LRBA: variants seen among roughly 807,000 people sequenced by gnomAD.
The protein encoded by LRBA is lipopolysaccharide-responsive and beige-like anchor protein.
A neutral mutation model predicts 330.0 loss-of-function variants in LRBA; 176 were observed. That is an observed-to-expected ratio of 0.53 (90% CI 0.47 to 0.60). The LOEUF (loss-of-function observed/expected upper bound fraction) is 0.60. Ranked by LOEUF, LRBA falls within the 20% of genes least tolerant of loss-of-function variation. The probability of loss-of-function intolerance (pLI) is 0.00; values close to 1 mark genes in which losing one functional copy is unlikely to be tolerated. For synonymous variants in LRBA, 1,230 were observed against 1,193.0 expected, an observed-to-expected ratio of 1.03 and a Z score of -0.64; for missense variants, 3,259 against 3,444.8, an observed-to-expected ratio of 0.95 and a Z score of 1.35.
intron 36 of LRBA, among the ~76,000 whole-genome samples, chr4:150,705,569 T>A (rs188480216): frequency 3.3e-5 from 5 of 152,054 alleles, no homozygotes; most frequent in Non-Finnish European, 5.9e-5. Context: ...CAACCCAATT[T>A]AAGAATAGAA....
At chr4:150,485,851 G>T (rs1255081828) in intron 42 of LRBA, among the ~76,000 whole-genome samples, 1 of 151,866 alleles carries the variant, frequency 6.6e-6, no homozygotes, top group African/African-American at 2.4e-5. Flanking sequence ...TGTTTGCATG[G>T]TATACCTTTT....
At chr4:150,654,334 C>A (rs937562500) in intron 37 of LRBA, among the ~76,000 whole-genome samples, 2 of 152,026 alleles carry the variant, frequency 1.3e-5, no homozygotes, top group Non-Finnish European at 2.9e-5. Flanking sequence ...TTACAAGTGC[C>A]TGCCACCATG....
intron 50 of LRBA, among the ~76,000 whole-genome samples, chr4:150,320,159 T>C (rs61682098): frequency 6.6e-6 from 1 of 152,124 alleles, no homozygotes; most frequent in Non-Finnish European, 1.5e-5. Flanking sequence ...GGGGTGGTCA[T>C]AAAATCTGAG....
At chr4:150,705,183 G>T (rs540775889) in intron 36 of LRBA, among the ~76,000 whole-genome samples, 1 of 152,080 alleles carries the variant, frequency 6.6e-6, no homozygotes, top group Non-Finnish European at 1.5e-5. Flanking sequence ...GCCGGTAACC[G>T]TCTAGAATGA....
intron 40 of LRBA, among the ~76,000 whole-genome samples, chr4:150,503,331 G>T (rs1423820367): frequency 6.6e-6 from 1 of 152,172 alleles, no homozygotes; most frequent in African/African-American, 2.4e-5. Context: ...ACCTCACACG[G>T]CCGGGTACTC....
At chr4:150,308,809 T>A (rs1212580023) in intron 52 of LRBA, among the ~76,000 whole-genome samples, 1 of 152,198 alleles carries the variant, frequency 6.6e-6, no homozygotes, top group African/African-American at 2.4e-5. Flanking sequence ...AGTTGTACAA[T>A]GTGTTTGTGT....
intron 29 of LRBA, among the ~76,000 whole-genome samples, chr4:150,831,204 T>C (rs1346322134): frequency 6.6e-6 from 1 of 151,716 alleles, no homozygotes; most frequent in Admixed American, 6.6e-5. Context: ...TACTTTCTTT[T>C]TTTTTTTTTT....
At chr4:150,510,805 A>G (rs1167777008) in intron 40 of LRBA, among the ~76,000 whole-genome samples, 2 of 152,082 alleles carry the variant, frequency 1.3e-5, no homozygotes, top group African/African-American at 2.4e-5. Context: ...TAGCTCCACC[A>G]TATGCCCTCT....
chr4:150,457,040 G>T (rs1443245591), intron 44 of LRBA, among the ~76,000 whole-genome samples: 2 of 151,844 alleles, frequency 1.3e-5, no homozygotes, highest in Non-Finnish European at 2.9e-5. Context: ...CAGTTCAACG[G>T]GATGTGTATC....
chr4:151,014,542 G>A lies in LRBA; in HGVS notation c.101C>T (p.Ser34Phe). 6.2e-7 allele frequency: 1 copy of A among 1,614,014 alleles called. No individual in the cohort carries two copies. Among genetic ancestry groups the A allele is most frequent in the Non-Finnish European group, 8.5e-7 (1 of 1,179,928 alleles). The change falls in exon 2 of 57, where the codon TCT becomes TTT. Residue 34 changes from serine to phenylalanine, a missense_variant. Coordinates refer to ENST00000651943, the MANE Select transcript of LRBA (RefSeq NM_001364905.1). ...CCTGATGGGGAGCCCTGGTTTCAGA[G>A]ACAATGCACCCCCTTCAGTAGGGGT... ...EETPTEGGALSLKPGLPIRGI... is the reference protein window; with the variant it reads ...EETPTEGGALFLKPGLPIRGI...
chr4:150,900,369 A>G, intron 13 of LRBA, 152 bp from the exon 14 acceptor site: 2 of 496,336 alleles, frequency 4.0e-6, no homozygotes, highest in South Asian at 9.1e-5. Flanking sequence ...ACACATACTC[A>G]CTGACACACA....
chr4:150,675,032 C>T (rs1782411100), intron 37 of LRBA, among the ~76,000 whole-genome samples: 1 of 151,700 alleles, frequency 6.6e-6, no homozygotes, highest in Non-Finnish European at 1.5e-5. Flanking sequence ...GCCTGGGCAA[C>T]ATAGTGAGAC....
At chr4:150,415,955 A>G (rs1040392379) in intron 46 of LRBA, among the ~76,000 whole-genome samples, 6 of 152,224 alleles carry the variant, frequency 3.9e-5, no homozygotes, top group African/African-American at 1.4e-4. Context: ...TATGAGGTAT[A>G]TTGAATTTTT....
At chr4:150,661,107 A>G (rs1343693816) in intron 37 of LRBA, among the ~76,000 whole-genome samples, 1 of 149,894 alleles carries the variant, frequency 6.7e-6, no homozygotes, top group Non-Finnish European at 1.5e-5. Flanking sequence ...AAAAGTTTCC[A>G]AATGAGGGTT....
At position 150,917,159 on chromosome 4, in the gene LRBA, A is replaced by AT. The variant is rs1481828951; in HGVS notation, c.646-422_646-421insA. On this transcript the variant is annotated intron_variant, in intron 5 of 56. Transcript: ENST00000651943. Reference sequence around the variant, plus strand: ...AAGAGCAAGACTCCATCTCAAAAAAAAAAATATATATATATCTGAAAGAAG... The same window carrying AT: ...AAGAGCAAGACTCCATCTCAAAAAAATAAAATATATATATATCTGAAAGAAG... Among the ~76,000 whole-genome samples, 25 of 147,478 alleles carry AT rather than the reference A, an allele frequency of 1.7e-4. No homozygotes were observed. In the South Asian group the frequency reaches 1.8e-3, roughly 11 times the overall value.
At chr4:150,635,676 A>G (rs1248190324) in intron 37 of LRBA, among the ~76,000 whole-genome samples, 1 of 152,196 alleles carries the variant, frequency 6.6e-6, no homozygotes, top group Non-Finnish European at 1.5e-5. Flanking sequence ...GACAACAGAT[A>G]CTTTCTATAA....
intron 2 of LRBA, among the ~76,000 whole-genome samples, chr4:151,002,775 G>A (rs1248939680): frequency 6.6e-6 from 1 of 152,110 alleles, no homozygotes; most frequent in Admixed American, 6.5e-5. Context: ...ACTTTGGGAG[G>A]CTGAGGTGGG....
Position 150,264,892 on chromosome 4 carries a change from GGGGAGGGAAGGGGGT to G in LRBA, c.*815_*829del, listed in dbSNP as rs1745109013. On this transcript the variant is annotated 3_prime_UTR_variant, in exon 57 of 57. Coordinates refer to ENST00000651943, the MANE Select transcript of LRBA (RefSeq NM_001364905.1). ...CCCGGTAGCCTCTATTTGCAAACCC[GGGGAGGGAAGGGGGT>G]GCCCCAACAAAACAACAGTGGCTCC... The G allele has an allele frequency of 1.2e-5, 1 of 84,254 alleles. No individual in the cohort carries two copies. The highest frequency in any genetic ancestry group is 1.4e-4 in the Admixed American group (1 of 7,122). The allele number at this position is 84,254 out of a possible 1,614,324, so 5.2% of individuals were successfully genotyped here.
rs1582078440 is a variant in LRBA at position 150,697,288 on chromosome 4, C to T, written c.5755-13571G>A. ...GCAGTGAGCCAAGATCACACCACTG[C>T]ACACCAGCCTGGGTGACAGAGTGAG... On this transcript the variant is annotated intron_variant, in intron 36 of 56. Transcript: ENST00000651943. Among the ~76,000 whole-genome samples the T allele has an allele frequency of 2.5e-5, 3 of 119,664 alleles. No homozygotes were observed. The South Asian group carries it at 8.3e-4, about 33-fold the overall frequency. The allele number at this position is 119,664 out of a possible 152,430, so 78.5% of individuals were successfully genotyped here.
Sources: allele counts gnomAD v4.1 joint callset (sites outside exome capture counted in the v4.1 genomes callset), GRCh38; gene constraint gnomAD v4.1.1; transcripts MANE v1.5; gene names NCBI Gene and HGNC (gene_info 2026-07-23, HGNC 2026-07-21).